Variants in DNAI3 observed in about 807,000 individuals in gnomAD.
DNAI3 encodes the protein WD repeat domain 63.
In DNAI3, 83 loss-of-function variants were observed where a neutral mutation model predicts 115.5. That is an observed-to-expected ratio of 0.72 (90% CI 0.60 to 0.86). DNAI3 has a LOEUF of 0.86. Among genes scored for constraint, DNAI3 ranks in the 40% least tolerant of loss-of-function variants. The pLI, the probability that DNAI3 is intolerant of heterozygous loss-of-function variation, is 0.00. For missense variants in DNAI3, 1,004 were observed against 1,075.8 expected, an observed-to-expected ratio of 0.93 and a Z score of 0.93; for synonymous variants, 320 against 347.0, an observed-to-expected ratio of 0.92 and a Z score of 0.86.
intron 18 of DNAI3, among the ~76,000 whole-genome samples, chr1:85,123,086 G>A (rs1656035201): frequency 6.6e-6 from 1 of 152,194 alleles, no homozygotes; most frequent in Admixed American, 6.5e-5. Flanking sequence ...GTCATTCTCA[G>A]CATTTCATCT....
intron 8 of DNAI3, among the ~76,000 whole-genome samples, chr1:85,093,049 G>C (rs1466673206): frequency 6.6e-6 from 1 of 152,166 alleles, no homozygotes; most frequent in Non-Finnish European, 1.5e-5. Flanking sequence ...AAAAATAAAG[G>C]AGGAGGAGAC....
intron 12 of DNAI3, 29 bp from the exon 13 acceptor site, chr1:85,098,501 G>C (rs1479326612): frequency 1.9e-6 from 3 of 1,604,272 alleles, no homozygotes; most frequent in Non-Finnish European, 2.5e-6. Context: ...TCTGAAATTA[G>C]CACTTAACTT....
At chr1:85,077,129 T>C (rs1015451084) in intron 3 of DNAI3, among the ~76,000 whole-genome samples, 1 of 152,204 alleles carries the variant, frequency 6.6e-6, no homozygotes. Flanking sequence ...GATCAATGCA[T>C]GAGAATAGAG....
intron 16 of DNAI3, among the ~76,000 whole-genome samples, chr1:85,110,450 C>CAAATAAATAAATAAATAAAT (rs71582946): frequency 0.033 from 4,585 of 138,164 alleles, 109 homozygotes; most frequent in Middle Eastern, 0.079. Context: ...GACTCCATCT[C>CAAATAAATAAATAAATAAAT]AAATAAATAA....
At chr1:85,117,536 G>T (rs547276495) in intron 16 of DNAI3, among the ~76,000 whole-genome samples, 193 bp from the exon 17 acceptor site, 19 of 152,298 alleles carry the variant, frequency 1.2e-4, no homozygotes, top group Admixed American at 5.2e-4. Context: ...CACAGTCATT[G>T]ATGTTTGGTT....
chr1:85,070,734 A>T (rs948586673), intron 1 of DNAI3, among the ~76,000 whole-genome samples: 2 of 152,228 alleles, frequency 1.3e-5, no homozygotes, highest in African/African-American at 4.8e-5. Flanking sequence ...TGTACCCCCA[A>T]ATATGCACAA....
chr1:85,079,153 T>C (rs1654549658), intron 3 of DNAI3, among the ~76,000 whole-genome samples: 1 of 152,226 alleles, frequency 6.6e-6, no homozygotes, highest in Admixed American at 6.5e-5. Flanking sequence ...TTGTTACCCA[T>C]TCAACACTAC....
intron 11 of DNAI3, 120 bp downstream of exon 11, chr1:85,096,140 G>T (rs1355446339): frequency 7.0e-6 from 6 of 857,716 alleles, no homozygotes; most frequent in Non-Finnish European, 1.1e-5. Context: ...CATGCCAATT[G>T]TGTGCCAGAC....
Position 85,093,522 on chromosome 1 carries a change from G to A in DNAI3, c.922G>A (p.Ala308Thr), listed in dbSNP as rs138379333. 3.9e-3 allele frequency: 6,327 copies of A among 1,613,990 alleles called. 104 individuals are homozygous for A. The highest frequency in any genetic ancestry group is 0.039 in the Admixed American group (2,348 of 60,000). ...ATTTATTGATGACTGGAAATACCTC[G>A]CAGAAGAAGAAGGCACCTTTGGGGA... ...NTFIDDWKYL[A>T]EEEGTFGDKT... Residue 308 changes from alanine (A) to threonine (T), a missense_variant, in exon 9 of 23, where the codon GCA becomes ACA. Ala to Thr is a moderately conservative substitution (Grantham distance 58, BLOSUM62 0). Transcript: ENST00000294664.
At chr1:85,068,318 A>C (rs923641877) in intron 1 of DNAI3, among the ~76,000 whole-genome samples, 1 of 152,012 alleles carries the variant, frequency 6.6e-6, no homozygotes, top group African/African-American at 2.4e-5. Flanking sequence ...ATAAATAGCA[A>C]CTCCATGCTT....
intron 3 of DNAI3, 79 bp from the exon 4 acceptor site, chr1:85,081,155 C>A: frequency 1.7e-6 from 2 of 1,182,272 alleles, no homozygotes; most frequent in Non-Finnish European, 1.2e-6. Flanking sequence ...ATTATTAAAA[C>A]CAAGCGATTG....
At chr1:85,091,780 T>C (rs143981719) in intron 8 of DNAI3, among the ~76,000 whole-genome samples, 10 of 152,294 alleles carry the variant, frequency 6.6e-5, no homozygotes, top group Non-Finnish European at 1.2e-4. Context: ...ACAACAGTTT[T>C]GCTAGCCTCC....
intron 11 of DNAI3, 62 bp downstream of exon 11, chr1:85,096,082 G>T: frequency 1.3e-6 from 2 of 1,484,896 alleles, no homozygotes; most frequent in South Asian, 1.1e-5. Context: ...AATAAGTTTT[G>T]ACTTGGCAGT....
intron 3 of DNAI3, among the ~76,000 whole-genome samples, chr1:85,078,762 T>C (rs1200886849): frequency 1.3e-5 from 2 of 152,272 alleles, no homozygotes; most frequent in African/African-American, 2.4e-5. Flanking sequence ...TTGTGTGATC[T>C]GTTGGCTGCC....
At position 85,124,035 on chromosome 1, in the gene DNAI3, C is replaced by G. The variant is rs1656060094; in HGVS notation, c.1982-86C>G. The G allele has an allele frequency of 1.9e-6, 3 of 1,564,976 alleles. No individual in the cohort carries two copies. In the South Asian group the frequency reaches 3.4e-5, roughly 18 times the overall value. On this transcript the variant is annotated intron_variant, in intron 18 of 22. Coordinates refer to ENST00000294664, the MANE Select transcript of DNAI3 (RefSeq NM_145172.5). ...CCCGACCCCATTCATGGGGCCCTGTCTGTCCATTGGAGGTCTGTCCATTCC... is the reference window on the plus strand; with the variant it reads ...CCCGACCCCATTCATGGGGCCCTGTGTGTCCATTGGAGGTCTGTCCATTCC...
intron 3 of DNAI3, among the ~76,000 whole-genome samples, chr1:85,078,142 G>T (rs147851294): frequency 7.5e-4 from 114 of 151,994 alleles, no homozygotes; most frequent in African/African-American, 2.6e-3. Context: ...CCTCTCCATG[G>T]ATCTTCTGTG....
intron 10 of DNAI3, among the ~76,000 whole-genome samples, chr1:85,094,791 T>G (rs1655078697): frequency 6.6e-6 from 1 of 152,190 alleles, no homozygotes; most frequent in South Asian, 2.1e-4. Context: ...AAGAGGAATG[T>G]TTAAACTATT....
chr1:85,129,526 T>C (rs1870326), intron 21 of DNAI3, among the ~76,000 whole-genome samples: 5,333 of 152,192 alleles, frequency 0.035, 292 homozygotes, highest in African/African-American at 0.12. Context: ...AGGATCTACA[T>C]TGATACTCTC....
intron 20 of DNAI3, among the ~76,000 whole-genome samples, chr1:85,127,161 A>T (rs150304584): frequency 6.6e-6 from 1 of 152,182 alleles, no homozygotes; most frequent in Non-Finnish European, 1.5e-5. Context: ...TAAATATTAT[A>T]TCACTTTTGT....
Sources: gnomAD v4.1 joint callset for allele counts (sites outside exome capture counted in the v4.1 genomes callset) on GRCh38, gnomAD v4.1.1 for gene constraint, MANE v1.5 for transcripts, NCBI Gene and HGNC (gene_info 2026-07-23, HGNC 2026-07-21) for gene names.